Variants in SDK2 observed in about 807,000 individuals in gnomAD.
SDK2 encodes sidekick cell adhesion molecule 2.
SDK2 carries 105 observed loss-of-function variants against 253.9 expected under a neutral mutation model. The ratio of observed to expected loss-of-function variants is 0.41; its 90% confidence interval spans 0.35 to 0.49. SDK2 has a LOEUF of 0.49. SDK2 is among the 20% of genes least tolerant of loss of function. SDK2 has a pLI of 0.06. For synonymous variants in SDK2, 1,249 were observed against 1,234.9 expected (o/e 1.01, Z -0.24); for missense variants, 2,608 against 3,003.0 (o/e 0.87, Z 3.07).
chr17:73,503,618 G>C (rs1358027174), intron 2 of SDK2, among the ~76,000 whole-genome samples: 3 of 152,316 alleles, frequency 2.0e-5, no homozygotes, highest in African/African-American at 7.2e-5. Flanking sequence ...CTATGAGCCA[G>C]GGACACAGGT....
intron 4 of SDK2, among the ~76,000 whole-genome samples, chr17:73,449,172 T>C (rs1207376196): frequency 1.3e-5 from 2 of 152,098 alleles, no homozygotes; most frequent in Admixed American, 6.5e-5. Context: ...GGAGGCTCCA[T>C]GGAATGTGGG....
At chr17:73,502,751 T>C (rs2063900255) in intron 2 of SDK2, among the ~76,000 whole-genome samples, 1 of 152,236 alleles carries the variant, frequency 6.6e-6, no homozygotes, top group Non-Finnish European at 1.5e-5. Context: ...GACTCTTCAA[T>C]GGATACTAAA....
chr17:73,636,139 G>A (rs1399757220), intron 1 of SDK2, among the ~76,000 whole-genome samples: 1 of 152,192 alleles, frequency 6.6e-6, no homozygotes, highest in Non-Finnish European at 1.5e-5. Context: ...GCAGCCTGGA[G>A]CAGTGGAAAG....
At chr17:73,347,829 G>A (rs1360624038) in intron 44 of SDK2, among the ~76,000 whole-genome samples, 8 of 152,150 alleles carry the variant, frequency 5.3e-5, no homozygotes, top group African/African-American at 1.9e-4. Context: ...CCTAATGGCC[G>A]CTCTCTGAAG....
intron 2 of SDK2, among the ~76,000 whole-genome samples, chr17:73,499,040 C>G (rs191601314): frequency 6.6e-6 from 1 of 152,200 alleles, no homozygotes; most frequent in Non-Finnish European, 1.5e-5. Context: ...GAGCTTGGCT[C>G]GGTTCCTGGC....
rs951934202 is a variant in SDK2 at position 73,408,047 on chromosome 17, C to CTTTTTTTTT, written c.2485-5915_2485-5907dup. On this transcript the variant is annotated intron_variant, in intron 18 of 44. Coordinates refer to ENST00000392650, the MANE Select transcript of SDK2 (RefSeq NM_001144952.2). ...CACCATCTAGGAAGTAAAATATTTC[C>CTTTTTTTTT]TTTTTTTTTTTTTTTTTCTTTTGAG... Among the ~76,000 whole-genome samples, 13 of 66,238 alleles carry CTTTTTTTTT rather than the reference C, an allele frequency of 2.0e-4. 1 individual carries two copies. Among genetic ancestry groups the CTTTTTTTTT allele is most frequent in the East Asian group, 8.4e-4 (3 of 3,572 alleles). The allele number at this position is 66,238 out of a possible 152,430, so 43.5% of individuals were successfully genotyped here.
chr17:73,640,267 T>TG (rs1313803662), intron 1 of SDK2, among the ~76,000 whole-genome samples: 1 of 28,304 alleles, frequency 3.5e-5, no homozygotes, highest in East Asian at 1.1e-3. Flanking sequence ...GGTGTGTGTG[T>TG]GGGGGGGTCG....
At chr17:73,633,883 G>C (rs562232779) in intron 1 of SDK2, among the ~76,000 whole-genome samples, 10 of 152,262 alleles carry the variant, frequency 6.6e-5, no homozygotes, top group Admixed American at 6.5e-4. Context: ...GGGTTCGAAA[G>C]GGGAGAAAGG....
intron 1 of SDK2, among the ~76,000 whole-genome samples, chr17:73,550,023 G>A (rs1046687434): frequency 1.8e-4 from 27 of 152,138 alleles, no homozygotes; most frequent in African/African-American, 6.3e-4. Flanking sequence ...CACCCCTCCC[G>A]CTGCTCTGCA....
chr17:73,584,111 C>T (rs1320562492), intron 1 of SDK2, among the ~76,000 whole-genome samples: 2 of 152,228 alleles, frequency 1.3e-5, no homozygotes, highest in Non-Finnish European at 1.5e-5. Flanking sequence ...CCTCCAGCTC[C>T]CTGCCCAGTG....
Position 73,570,059 on chromosome 17 carries a change from G to A in SDK2, c.65-62462C>T, listed in dbSNP as rs918192174. Among the ~76,000 whole-genome samples the A allele has an allele frequency of 8.5e-5, 13 of 152,138 alleles. No individual in the cohort carries two copies. Among genetic ancestry groups the A allele is most frequent in the Non-Finnish European group, 1.9e-4 (13 of 68,014 alleles). On this transcript the variant is annotated intron_variant, in intron 1 of 44. Coordinates refer to ENST00000392650, the MANE Select transcript of SDK2 (RefSeq NM_001144952.2). The surrounding 1 kb of genome is among the most constrained non-coding windows in gnomAD (Gnocchi z 4.2). ...GCTCTAACTCTTTCAGGCTTCGGCTGGGGAAGGAAGAGAGTCAGGCGGCCC... is the reference window on the plus strand; with the variant it reads ...GCTCTAACTCTTTCAGGCTTCGGCTAGGGAAGGAAGAGAGTCAGGCGGCCC...
chr17:73,454,784 A>G (rs1762209022), intron 4 of SDK2, among the ~76,000 whole-genome samples: 2 of 152,086 alleles, frequency 1.3e-5, no homozygotes, highest in African/African-American at 4.8e-5. Context: ...GCTCACTGCA[A>G]CCTCTGACTC....
intron 36 of SDK2, chr17:73,369,175 A>G (rs867998): frequency 0.74 from 346,454 of 470,178 alleles, 129,120 homozygotes; most frequent in East Asian, 0.91. Flanking sequence ...GCGCTGGCAC[A>G]TCAGCACTTA....
chr17:73,552,069 GC>G (rs1294220223), intron 1 of SDK2, among the ~76,000 whole-genome samples: 1 of 152,028 alleles, frequency 6.6e-6, no homozygotes, highest in Non-Finnish European at 1.5e-5. Flanking sequence ...CCCACCGCCT[GC>G]CCCCCACCCC....
In SDK2 at chr17:73,394,243, T is replaced by C; in HGVS notation, c.3674A>G (p.Glu1225Gly). The change falls in exon 26 of 45, where the codon GAG (glutamate) becomes GGG (glycine). Residue 1225 changes from glutamate (E) to glycine (G), a missense_variant. Around this residue, in one of 2 missense-constraint regions of SDK2, gnomAD observed 1,505 missense variants for 1,859.1 expected, o/e 0.81. Coordinates refer to ENST00000392650, the MANE Select transcript of SDK2 (RefSeq NM_001144952.2). The part of the protein sequence containing the change: ...SMLVRWSEVP[E>G]ADRNGLVLGY... ...CAGCACGAGCCCGTTGCGATCAGCC[T>C]CGGGGACCTCGCTCCAGCGCACCAG... 7 of 1,599,874 alleles carry C rather than the reference T, an allele frequency of 4.4e-6. No individual in the cohort carries two copies. The highest frequency in any genetic ancestry group is 6.0e-6 in the Non-Finnish European group (7 of 1,170,668).
Position 73,464,290 on chromosome 17 carries a change from G to A in SDK2, c.331+7822C>T, listed in dbSNP as rs144494879. ...GGGGTGGTTCCCCCATACCGTTCTC[G>A]TGATAGTGAGTGGGTTCTCACGAGA... On this transcript the variant is annotated intron_variant, in intron 3 of 44. Coordinates refer to ENST00000392650, the MANE Select transcript of SDK2 (RefSeq NM_001144952.2). Among the ~76,000 whole-genome samples, 6 of 152,274 alleles carry A rather than the reference G, an allele frequency of 3.9e-5. No homozygotes were observed. The East Asian group carries it at 9.7e-4, about 24-fold the overall frequency.
At chr17:73,341,607 A>G (rs2062437713) in intron 44 of SDK2, among the ~76,000 whole-genome samples, 1 of 152,174 alleles carries the variant, frequency 6.6e-6, no homozygotes, top group African/African-American at 2.4e-5. Context: ...AGTTAGCCCA[A>G]TCCAGACAAG....
At chr17:73,427,296 T>C (rs1425562974) in intron 12 of SDK2, among the ~76,000 whole-genome samples, 1 of 152,164 alleles carries the variant, frequency 6.6e-6, no homozygotes, top group East Asian at 1.9e-4. Context: ...GCCAGGCCAA[T>C]CCAGAGTGTT....
At chr17:73,506,104 G>T (rs1295778134) in intron 2 of SDK2, among the ~76,000 whole-genome samples, 1 of 152,262 alleles carries the variant, frequency 6.6e-6, no homozygotes, top group Non-Finnish European at 1.5e-5. Flanking sequence ...TGCACGTGTG[G>T]TATGCCATCC....
Sources: gnomAD v4.1 joint callset for allele counts (sites outside exome capture counted in the v4.1 genomes callset) on GRCh38, gnomAD v4.1.1 for gene constraint, gnomAD v4.1.1 regional missense constraint, Gnocchi (gnomAD v3.1) non-coding constraint, MANE v1.5 for transcripts, NCBI Gene and HGNC (gene_info 2026-07-23, HGNC 2026-07-21) for gene names.